Variants in COL5A2 observed in about 807,000 individuals in gnomAD.
COL5A2 encodes the protein collagen type V alpha 2 chain.
In COL5A2, 23 loss-of-function variants were observed where a neutral mutation model predicts 208.2. The observed-to-expected ratio is 0.11, with a 90% CI of 0.08 to 0.16. COL5A2 has a LOEUF of 0.16. Ranked by LOEUF, COL5A2 falls within the 10% of genes least tolerant of loss-of-function variation. COL5A2 has a pLI of 1.00. For synonymous variants in COL5A2, 625 were observed against 628.5 expected (o/e 0.99, Z 0.08); for missense variants, 1,590 against 1,956.4 (o/e 0.81, Z 3.53).
chr2:189,056,184 C>T (rs1469103756), intron 35 of COL5A2, among the ~76,000 whole-genome samples: 4 of 152,144 alleles, frequency 2.6e-5, no homozygotes, highest in Non-Finnish European at 5.9e-5. Context: ...TAGCAGTTCT[C>T]TTTTATTATG....
chr2:189,335,942 AATC>A, the COL5A2 span, among the ~76,000 whole-genome samples: 1 of 152,178 alleles, frequency 6.6e-6, no homozygotes, highest in Non-Finnish European at 1.5e-5. Context: ...CTAAAAAGGA[AATC>A]ATTAAGAAAA....
chr2:189,275,126 C>T, the COL5A2 span, among the ~76,000 whole-genome samples: 3 of 152,110 alleles, frequency 2.0e-5, no homozygotes, highest in East Asian at 5.8e-4. Flanking sequence ...GTGAAGCTTA[C>T]TGAAGCTCTG....
Position 189,068,010 on chromosome 2 carries a change from A to G in COL5A2, c.1401+5T>C, listed in dbSNP as rs201734781. 3.1e-6 allele frequency: 5 copies of G among 1,611,318 alleles called. No individual in the cohort carries two copies. In the African/African-American group the frequency reaches 5.3e-5, roughly 17 times the overall value. ...AAGGATGATAGTTCTTTCAAAGGTCATTACCGGTTGGCCTCGAATTCCCTG... is the reference window on the plus strand; with the variant it reads ...AAGGATGATAGTTCTTTCAAAGGTCGTTACCGGTTGGCCTCGAATTCCCTG... On this transcript the variant is annotated splice_donor_5th_base_variant and intron_variant, in intron 21 of 53. Transcript: ENST00000374866.
At chr2:189,270,999 A>G in the COL5A2 span, among the ~76,000 whole-genome samples, 1 of 152,188 alleles carries the variant, frequency 6.6e-6, no homozygotes, top group Non-Finnish European at 1.5e-5. Context: ...GCTCAAGGAA[A>G]TAAGAGAGGA....
At chr2:189,299,002 T>A in the COL5A2 span, among the ~76,000 whole-genome samples, 1 of 152,190 alleles carries the variant, frequency 6.6e-6, no homozygotes, top group South Asian at 2.1e-4. Flanking sequence ...CCACTGAATA[T>A]CCTGATACAA....
At chr2:189,275,451 T>C in the COL5A2 span, among the ~76,000 whole-genome samples, 1 of 103,900 alleles carries the variant, frequency 9.6e-6, no homozygotes, top group African/African-American at 3.0e-5. Flanking sequence ...TAGTTTTCTT[T>C]CTTTCCTTTT....
At chr2:189,220,222 A>C (rs990855426) in intron 1 of COL5A2, among the ~76,000 whole-genome samples, 6 of 152,206 alleles carry the variant, frequency 3.9e-5, no homozygotes, top group Non-Finnish European at 5.9e-5. Context: ...GCTGTGTCCA[A>C]CACAGTCATA....
At chr2:189,202,002 A>T (rs1157168150) in intron 1 of COL5A2, among the ~76,000 whole-genome samples, 1 of 151,258 alleles carries the variant, frequency 6.6e-6, no homozygotes, top group Non-Finnish European at 1.5e-5. Flanking sequence ...TTATATATGC[A>T]CATATAATAA....
chr2:189,078,898 C>T (rs1265166549), intron 15 of COL5A2, among the ~76,000 whole-genome samples, 165 bp downstream of exon 15: 3 of 152,130 alleles, frequency 2.0e-5, no homozygotes, highest in African/African-American at 4.8e-5. Context: ...TAGAAGGGCT[C>T]AACTCTCCTG....
intron 48 of COL5A2, 71 bp from the exon 49 acceptor site, chr2:189,042,844 G>T: frequency 7.0e-7 from 1 of 1,424,076 alleles, no homozygotes; most frequent in South Asian, 1.2e-5. Context: ...TCAAAAATGT[G>T]CTATCATTGA....
chr2:189,212,357 G>A (rs1197193238), intron 1 of COL5A2, among the ~76,000 whole-genome samples: 2 of 152,170 alleles, frequency 1.3e-5, no homozygotes, highest in African/African-American at 4.8e-5. Context: ...CTTAAAACTT[G>A]CTGGGCGCGG....
chr2:189,141,996 C>G lies in COL5A2; in HGVS notation c.98-31547G>C, dbSNP rs531095262. On this transcript the variant is annotated intron_variant, in intron 1 of 53. Transcript: ENST00000374866. ...AATTCTTTTCTGGAATTTCCTATGC[C>G]TATGGTGAGAGATAATATAAATCTG... 5.9e-5 allele frequency among the ~76,000 whole-genome samples: 9 copies of G among 152,056 alleles called. No individual in the cohort carries two copies. In the East Asian group the frequency reaches 1.7e-3, roughly 29 times the overall value.
the COL5A2 span, among the ~76,000 whole-genome samples, chr2:189,333,973 T>C: frequency 1.3e-5 from 2 of 151,918 alleles, no homozygotes; most frequent in African/African-American, 4.8e-5. Context: ...ATATATTTAA[T>C]TGATATACTG....
chr2:189,249,525 C>A, the COL5A2 span, among the ~76,000 whole-genome samples: 6 of 152,040 alleles, frequency 3.9e-5, no homozygotes, highest in Non-Finnish European at 7.4e-5. Flanking sequence ...CAATTTTATT[C>A]CAGAGTTCCA....
At chr2:189,228,158 G>C (rs1440650802), upstream of COL5A2, among the ~76,000 whole-genome samples, 1 of 151,840 alleles carries the variant, frequency 6.6e-6, no homozygotes, top group Non-Finnish European at 1.5e-5. Flanking sequence ...ATGGGATGCA[G>C]CAAAAGCAAT....
At chr2:189,068,595 T>G (rs1686204361) in intron 19 of COL5A2, among the ~76,000 whole-genome samples, 191 bp downstream of exon 19, 1 of 152,142 alleles carries the variant, frequency 6.6e-6, no homozygotes, top group Admixed American at 6.6e-5. Context: ...TGATATATGC[T>G]CAATGGGATG....
the COL5A2 span, among the ~76,000 whole-genome samples, chr2:189,367,851 A>G: frequency 1.3e-5 from 2 of 152,182 alleles, no homozygotes; most frequent in African/African-American, 2.4e-5. Context: ...TTATATTTCT[A>G]TTATAATTGT....
the COL5A2 span, among the ~76,000 whole-genome samples, chr2:189,433,244 C>T: frequency 0.017 from 2,571 of 151,986 alleles, 73 homozygotes; most frequent in African/African-American, 0.059. Context: ...GATCTAAAAT[C>T]GACACCCTAA....
Position 189,090,838 on chromosome 2 carries a change from G to A in COL5A2, c.567+1472C>T, listed in dbSNP as rs113306605. Reference sequence around the variant, plus strand: ...TGAGACCTATTGCTCAGAAACAAAGGATTCCTTTCAAAATATTACTGCTCA... The same window carrying A: ...TGAGACCTATTGCTCAGAAACAAAGAATTCCTTTCAAAATATTACTGCTCA... On this transcript the variant is annotated intron_variant, in intron 7 of 53. Transcript: ENST00000374866. Among the ~76,000 whole-genome samples the A allele has an allele frequency of 7.5e-4, 114 of 152,276 alleles. 1 individual carries two copies. The highest frequency in any genetic ancestry group is 2.6e-3 in the African/African-American group (109 of 41,558).
Sources: allele counts gnomAD v4.1 joint callset (sites outside exome capture counted in the v4.1 genomes callset), GRCh38; gene constraint gnomAD v4.1.1; transcripts MANE v1.5; gene names NCBI Gene and HGNC (gene_info 2026-07-23, HGNC 2026-07-21).